EMC8: variants seen among roughly 807,000 people sequenced by gnomAD.
EMC8 encodes COX4 neighbor.
In EMC8, 11 loss-of-function variants were observed where a neutral mutation model predicts 24.3. The observed-to-expected ratio is 0.45, with a 90% CI of 0.28 to 0.75. The LOEUF (loss-of-function observed/expected upper bound fraction) is 0.75, where lower values mean the gene tolerates loss of function less well. EMC8 is among the 30% of genes least tolerant of loss of function. EMC8 has a pLI of 0.12. For missense variants in EMC8, 277 were observed against 282.7 expected (o/e 0.98, Z 0.14); for synonymous variants, 145 against 117.7 (o/e 1.23, Z -1.50).
intron 3 of EMC8, chr16:85,780,727 G>C (rs1328193199): frequency 1.1e-5 from 6 of 541,412 alleles, no homozygotes; most frequent in Non-Finnish European, 2.0e-5. Context: ...CCTCATCCTA[G>C]GATTCTGTCT....
rs747140383 is a variant in EMC8, at chr16:85,799,233, G to C, written c.63C>G (p.Tyr21Ter). 6.2e-7 allele frequency: 1 copy of C among 1,613,210 alleles called. No individual in the cohort carries two copies. The highest frequency in any genetic ancestry group is 8.5e-7 in the Non-Finnish European group (1 of 1,179,872). ...YCKMVLHGAK[Y>*]PHCAVNGLLV... ...GGAGCCCGTTGACGGCGCAGTGCGG[G>C]TACTTGGCGCCGTGCAGCACCATCT... The change falls in exon 1 of 5, where the codon TAC (tyrosine) becomes TAG (stop). Residue 21 changes from tyrosine (Y) to a stop codon, truncating the protein, a stop_gained. Transcript: ENST00000253457. LOFTEE classifies it high-confidence loss of function. The surrounding 1 kb of genome is among the most constrained non-coding windows in gnomAD (Gnocchi z 4.2).
rs192050726 is a variant in EMC8, at chr16:85,778,721, C to G, written c.*987G>C. 6.6e-5 allele frequency: 10 copies of G among 152,348 alleles called. No individual in the cohort carries two copies. The East Asian group carries it at 1.7e-3, about 26-fold the overall frequency. The allele number at this position is 152,348 out of a possible 1,614,324, so 9.4% of individuals were successfully genotyped here. A position where few individuals can be genotyped will look rare whatever the true frequency, so the allele number is the denominator to read the frequency against. On this transcript the variant is annotated 3_prime_UTR_variant, in exon 5 of 5. Coordinates refer to ENST00000253457, the MANE Select transcript of EMC8 (RefSeq NM_006067.5). ...GTGACCGCTGTATCACAAACCCTTT[C>G]AGGTCACACCGATCGTTACAAATTC... is the stretch of plus-strand genomic sequence containing the variant.
In EMC8 at chr16:85,779,782, C is replaced by T. The variant is rs1263786800; in HGVS notation, c.559G>A (p.Asp187Asn). 6 of 1,614,158 alleles carry T rather than the reference C, an allele frequency of 3.7e-6. No homozygotes were observed. The highest frequency in any genetic ancestry group is 1.6e-4 in the Middle Eastern group (1 of 6,062). ...SRSYETLVDF[D>N]NHLDDIRNDW... ...TTCCGAATGTCATCCAGGTGGTTAT[C>T]GAAATCCACGAGCGTCTCGTAGGAC... The change falls in exon 5 of 5, where the codon GAT becomes AAT. Residue 187 changes from aspartate (D) to asparagine (N), a missense_variant. By Grantham distance (23) the Asp-to-Asn change is conservative. Coordinates refer to ENST00000253457, the MANE Select transcript of EMC8 (RefSeq NM_006067.5).
chr16:85,785,454 C>T (rs1292047077), intron 2 of EMC8, among the ~76,000 whole-genome samples: 5 of 152,064 alleles, frequency 3.3e-5, no homozygotes, highest in Admixed American at 3.3e-4. Flanking sequence ...CCTGTAATTC[C>T]AGCTACTCAG....
intron 1 of EMC8, among the ~76,000 whole-genome samples, chr16:85,791,910 T>C (rs1278228378): frequency 1.3e-5 from 2 of 152,190 alleles, no homozygotes; most frequent in African/African-American, 4.8e-5. Context: ...ACAAATCCCT[T>C]TTGCTACATA....
At chr16:85,798,085 G>C (rs916556587) in intron 1 of EMC8, among the ~76,000 whole-genome samples, 3 of 146,194 alleles carry the variant, frequency 2.1e-5, no homozygotes, top group African/African-American at 7.7e-5. Flanking sequence ...CAGATCGTCT[G>C]CTCCTGCTGT....
intron 2 of EMC8, among the ~76,000 whole-genome samples, chr16:85,787,922 C>T (rs1409090971): frequency 3.3e-5 from 5 of 152,204 alleles, no homozygotes; most frequent in Non-Finnish European, 7.3e-5. Context: ...AATGCTGTCA[C>T]CAGCTTACTG....
chr16:85,787,849 T>A (rs1904823749), intron 2 of EMC8, among the ~76,000 whole-genome samples: 1 of 152,174 alleles, frequency 6.6e-6, no homozygotes, highest in Admixed American at 6.5e-5. Context: ...TGTTTCTAAA[T>A]TTGGGTTTCT....
chr16:85,781,138 C>T (rs1021729241), intron 3 of EMC8, 73 bp downstream of exon 3: 38 of 1,082,390 alleles, frequency 3.5e-5, no homozygotes, highest in Non-Finnish European at 4.6e-5. Context: ...GAAAGGAAAC[C>T]GCCGCAGAGC....
intron 1 of EMC8, among the ~76,000 whole-genome samples, chr16:85,793,472 G>A (rs749811365): frequency 1.3e-5 from 2 of 152,204 alleles, no homozygotes; most frequent in Non-Finnish European, 2.9e-5. Context: ...ATGGGACCGA[G>A]ATAGAGGGTG....
At chr16:85,783,950 C>A (rs1414055703) in intron 2 of EMC8, among the ~76,000 whole-genome samples, 1 of 152,216 alleles carries the variant, frequency 6.6e-6, no homozygotes, top group African/African-American at 2.4e-5. Flanking sequence ...CTGCCCTGCA[C>A]AATCAAGGCT....
rs550328986 is a variant in EMC8 at position 85,790,976 on chromosome 16, G to A, written c.232-1926C>T. Among the ~76,000 whole-genome samples the A allele has an allele frequency of 3.3e-5, 5 of 152,158 alleles. No homozygotes were observed. In the East Asian group the frequency reaches 5.8e-4, roughly 18 times the overall value. On this transcript the variant is annotated intron_variant, in intron 1 of 4. Transcript: ENST00000253457. ...TGAGTAGCTGGGACTACAGGTGTGC[G>A]CCATCCTGTCTGGCTAATTTTTAAA...
rs1159685510 is a variant in EMC8 at position 85,799,290 on chromosome 16, G to A, written c.6C>T (p.Pro2=). The A allele has an allele frequency of 1.9e-6, 3 of 1,600,748 alleles. No homozygotes were observed. The highest frequency in any genetic ancestry group is 1.1e-5 in the South Asian group (1 of 90,338). Residue 2 remains proline, a synonymous_variant, in exon 1 of 5, where the codon CCC becomes CCT. Coordinates refer to ENST00000253457, the MANE Select transcript of EMC8 (RefSeq NM_006067.5). This position sits in a 1 kb window ranked among gnomAD's most constrained non-coding sequence, Gnocchi z 4.2. M[P]GVKLTTQAYC... ...AGGCCTGGGTGGTCAGTTTCACCCC[G>A]GGCATGCTGACCCGGGAGGGCCCCG... is the stretch of plus-strand genomic sequence containing the variant.
chr16:85,790,945 G>A (rs1355916856), intron 1 of EMC8, among the ~76,000 whole-genome samples: 1 of 152,038 alleles, frequency 6.6e-6, no homozygotes, highest in African/African-American at 2.4e-5. Flanking sequence ...TCCCACCTCA[G>A]CCTCCTGAGT....
intron 1 of EMC8, among the ~76,000 whole-genome samples, chr16:85,795,545 T>C (rs1362795916): frequency 4.4e-3 from 1 of 228 alleles, no homozygotes; most frequent in Non-Finnish European, 9.4e-3. Context: ...CGGTGGGTCT[T>C]AAGACCTCCA....
At chr16:85,797,360 A>G (rs1905278739) in intron 1 of EMC8, among the ~76,000 whole-genome samples, 1 of 152,228 alleles carries the variant, frequency 6.6e-6, no homozygotes, top group South Asian at 2.1e-4. Flanking sequence ...GTGAGCCGAG[A>G]TCATGCCATT....
In EMC8 at chr16:85,779,849, C is replaced by T; in HGVS notation, c.492G>A (p.Trp164Ter). 6.2e-7 allele frequency: 1 copy of T among 1,614,072 alleles called. No homozygotes were observed. Among genetic ancestry groups the T allele is most frequent in the Non-Finnish European group, 8.5e-7 (1 of 1,180,000 alleles). ...AGGCTGAGATCCTCTGTGCCTCTGG[C>T]CAGTCTTCACAGTAGTCACTACGGG... is the stretch of plus-strand genomic sequence containing the variant. The part of the protein sequence containing the change: ...RDPHHDYCED[W>*]PEAQRISASL... The change falls in exon 5 of 5, where the codon TGG becomes TGA. Residue 164 changes from tryptophan (W) to a stop codon, truncating the protein, a stop_gained. Transcript: ENST00000253457. LOFTEE classifies it high-confidence loss of function.
At chr16:85,780,795 C>T (rs550132283) in intron 3 of EMC8, 3 of 465,850 alleles carry the variant, frequency 6.4e-6, no homozygotes, top group South Asian at 4.9e-5. Context: ...AAGGACCTTC[C>T]TTCCCTGTGC....
In EMC8 at chr16:85,788,150, A is replaced by G. The variant is rs555822273; in HGVS notation, c.308+824T>C. Among the ~76,000 whole-genome samples the G allele has an allele frequency of 2.0e-5, 3 of 152,338 alleles. No homozygotes were observed. The South Asian group carries it at 6.2e-4, about 32-fold the overall frequency. ...CTGGCTTCTGGCTCGGTTCAGCCAA[A>G]GGAAAATGGAAGGGGGACATCATGT... On this transcript the variant is annotated intron_variant, in intron 2 of 4. Transcript: ENST00000253457.
Sources: gnomAD v4.1 joint callset for allele counts (sites outside exome capture counted in the v4.1 genomes callset) on GRCh38, gnomAD v4.1.1 for gene constraint, Gnocchi (gnomAD v3.1) non-coding constraint, MANE v1.5 for transcripts, NCBI Gene and HGNC (gene_info 2026-07-23, HGNC 2026-07-21) for gene names.